Variants in DPP10 observed in about 807,000 individuals in gnomAD.
DPP10 encodes dipeptidyl peptidase like 10.
In DPP10, 33 loss-of-function variants were observed where a neutral mutation model predicts 120.9. The ratio of observed to expected loss-of-function variants is 0.27; its 90% confidence interval spans 0.21 to 0.37. The LOEUF is 0.37. Among genes scored for constraint, DPP10 ranks in the 10% least tolerant of loss-of-function variants. The pLI is 1.00. For synonymous variants in DPP10, 337 were observed against 326.1 expected, an observed-to-expected ratio of 1.03 and a Z score of -0.36; for missense variants, 816 against 942.8, an observed-to-expected ratio of 0.87 and a Z score of 1.76.
rs148446638 is a variant in DPP10 at position 115,592,100 on chromosome 2, C to T, written c.441+66128C>T. The stretch of plus-strand genomic sequence containing the variant: ...GCACTGAAAAATCACTGACATGAGG[C>T]AGATTGATTGATAGGAGAAAAGATG... On this transcript the variant is annotated intron_variant, in intron 5 of 25. Transcript: ENST00000410059. 1.7e-4 allele frequency among the ~76,000 whole-genome samples: 26 copies of T among 152,130 alleles called. No homozygotes were observed. The East Asian group carries it at 4.8e-3, about 28-fold the overall frequency.
chr2:115,143,154 C>A (rs2051023606), intron 1 of DPP10, among the ~76,000 whole-genome samples: 1 of 152,234 alleles, frequency 6.6e-6, no homozygotes, highest in South Asian at 2.1e-4. Context: ...CTAGGAGGGA[C>A]AGTAGGTCAT....
At chr2:115,307,045 C>A (rs1008757625) in intron 1 of DPP10, among the ~76,000 whole-genome samples, 2 of 152,072 alleles carry the variant, frequency 1.3e-5, no homozygotes, top group African/African-American at 4.8e-5. Flanking sequence ...TGAACTAGAA[C>A]TCCAGCTCTC....
At chr2:114,651,419 A>G (rs1696572528) in intron 1 of DPP10, among the ~76,000 whole-genome samples, 1 of 152,120 alleles carries the variant, frequency 6.6e-6, no homozygotes, top group South Asian at 2.1e-4. Context: ...ACCCTCATCA[A>G]AATGACCTGG....
chr2:115,809,894 TG>T (rs555799089), intron 19 of DPP10, among the ~76,000 whole-genome samples: 71 of 152,306 alleles, frequency 4.7e-4, no homozygotes, highest in African/African-American at 1.6e-3. Context: ...TGGGGTGCGG[TG>T]GCTCACGCCT....
intron 3 of DPP10, among the ~76,000 whole-genome samples, chr2:115,371,471 C>T (rs2065407509): frequency 6.6e-6 from 1 of 152,136 alleles, no homozygotes; most frequent in African/African-American, 2.4e-5. Flanking sequence ...GACTTTGAAA[C>T]AAACTAATTT....
chr2:115,647,876 TGCTACC>T (rs942161703), intron 5 of DPP10, among the ~76,000 whole-genome samples: 1 of 152,190 alleles, frequency 6.6e-6, no homozygotes, highest in African/African-American at 2.4e-5. Flanking sequence ...CCCTTCTTAA[TGCTACC>T]GCATTGAAAA....
intron 5 of DPP10, among the ~76,000 whole-genome samples, chr2:115,671,584 T>G (rs772680677): frequency 2.6e-5 from 4 of 152,014 alleles, no homozygotes; most frequent in Non-Finnish European, 5.9e-5. Context: ...ATTATTAAAA[T>G]AAATTACAGC....
intron 5 of DPP10, among the ~76,000 whole-genome samples, chr2:115,583,606 T>C (rs1049216960): frequency 5.3e-5 from 8 of 152,144 alleles, no homozygotes; most frequent in Non-Finnish European, 2.9e-5. Context: ...AGGGCTCCCA[T>C]AGAGCGTTTT....
intron 1 of DPP10, among the ~76,000 whole-genome samples, chr2:114,740,486 A>G (rs1321643247): frequency 6.8e-6 from 1 of 146,966 alleles, no homozygotes; most frequent in African/African-American, 2.6e-5. Context: ...GTGCACATGT[A>G]CCCTAAAACT....
intron 10 of DPP10, among the ~76,000 whole-genome samples, chr2:115,748,549 C>A (rs1350870416): frequency 6.6e-6 from 1 of 151,860 alleles, no homozygotes; most frequent in Non-Finnish European, 1.5e-5. Context: ...CCTTATAAAC[C>A]AGATTCTCTG....
intron 1 of DPP10, among the ~76,000 whole-genome samples, chr2:115,116,346 A>C (rs1413397608): frequency 1.3e-5 from 2 of 152,158 alleles, no homozygotes; most frequent in Non-Finnish European, 2.9e-5. Flanking sequence ...AACGCTAATT[A>C]TTTATCTATC....
At chr2:114,751,826 C>G (rs568714676) in intron 1 of DPP10, among the ~76,000 whole-genome samples, 22 of 152,188 alleles carry the variant, frequency 1.4e-4, no homozygotes, top group Non-Finnish European at 3.1e-4. Context: ...TCTCCTGCCC[C>G]GTGATTTGGC....
At chr2:115,487,200 T>G (rs1406967225) in intron 3 of DPP10, among the ~76,000 whole-genome samples, 1 of 142,990 alleles carries the variant, frequency 7.0e-6, no homozygotes, top group Admixed American at 7.2e-5. Flanking sequence ...CAAGGAGAAC[T>G]ACAAACCACT....
At chr2:114,912,351 A>C (rs1694431276) in intron 1 of DPP10, among the ~76,000 whole-genome samples, 1 of 152,208 alleles carries the variant, frequency 6.6e-6, no homozygotes, top group African/African-American at 2.4e-5. Context: ...GTACGATGAC[A>C]TCTAGCTCTC....
rs141494188 is a variant in DPP10 at position 114,616,809 on chromosome 2, A to T, written c.60+173971A>T. Among the ~76,000 whole-genome samples the T allele has an allele frequency of 3.0e-3, 460 of 152,182 alleles. 3 individuals carry two copies. Among genetic ancestry groups the T allele is most frequent in the African/African-American group, 0.01 (434 of 41,542 alleles). ...TTCTTGCCAGGCAGAGAGAACAGAC[A>T]TAACATCAATGGAGAGATCAAGCTT... On this transcript the variant is annotated intron_variant, in intron 1 of 25. Transcript: ENST00000410059.
rs72953554 is a variant in DPP10 at position 114,629,157 on chromosome 2, C to T, written c.60+186319C>T. Among the ~76,000 whole-genome samples, 717 of 151,964 alleles carry T rather than the reference C, an allele frequency of 4.7e-3. 9 individuals carry two copies. The highest frequency in any genetic ancestry group is 0.017 in the African/African-American group (692 of 41,346). On this transcript the variant is annotated intron_variant, in intron 1 of 25. Transcript: ENST00000410059. ...TGGAAAGAAGATGGCACCATATCCTCGTTGATAAGATAAAAGCTTTAGAGT... is the reference window on the plus strand; with the variant it reads ...TGGAAAGAAGATGGCACCATATCCTTGTTGATAAGATAAAAGCTTTAGAGT...
chr2:114,570,058 T>C (rs1261774875), intron 1 of DPP10, among the ~76,000 whole-genome samples: 1 of 152,186 alleles, frequency 6.6e-6, no homozygotes, highest in Non-Finnish European at 1.5e-5. Flanking sequence ...GAATATGCCA[T>C]GAAAGTCTAA....
intron 21 of DPP10, among the ~76,000 whole-genome samples, chr2:115,827,345 A>ATATGTATATG (rs1688440932): frequency 1.0e-4 from 3 of 28,996 alleles, no homozygotes; most frequent in Admixed American, 3.9e-4. Context: ...ATATGTATAT[A>ATATGTATATG]TATGTACATA....
intron 19 of DPP10, among the ~76,000 whole-genome samples, chr2:115,811,589 G>A (rs888489946): frequency 1.8e-4 from 28 of 152,184 alleles, no homozygotes; most frequent in Non-Finnish European, 4.0e-4. Flanking sequence ...ACAAGGCAAT[G>A]TGTCATACGT....
Sources: allele counts gnomAD v4.1 joint callset (sites outside exome capture counted in the v4.1 genomes callset), GRCh38; gene constraint gnomAD v4.1.1; transcripts MANE v1.5; gene names NCBI Gene and HGNC (gene_info 2026-07-23, HGNC 2026-07-21).